The following FNDC3A variants were observed in gnomAD, a reference collection of about 807,000 sequenced individuals.
FNDC3A encodes fibronectin type-III domain-containing protein 3A.
Under a neutral mutation model 148.9 loss-of-function variants are expected in FNDC3A, and 32 were observed. The ratio of observed to expected loss-of-function variants is 0.21; its 90% CI spans 0.16 to 0.29. The LOEUF is 0.29. Among genes scored for constraint, FNDC3A ranks in the 10% least tolerant of loss-of-function variants. The pLI is 1.00. For missense variants in FNDC3A, 1,191 were observed against 1,452.8 expected (o/e 0.82, Z 2.93); for synonymous variants, 472 against 473.6 (o/e 1.00, Z 0.04).
At chr13:49,009,784 G>A (rs1272913299) in intron 2 of FNDC3A, among the ~76,000 whole-genome samples, 1 of 152,180 alleles carries the variant, frequency 6.6e-6, no homozygotes, top group Non-Finnish European at 1.5e-5. Flanking sequence ...TTACTAATTT[G>A]TCTTCTCTTA....
rs1258304905 is a variant in FNDC3A at position 49,131,128 on chromosome 13, A to G, written c.253-9A>G. ...TGGAAGAAATTTTAATCTGATGTTCATTTTGTAGGTTATTGAAGACAATGG... is the reference window on the plus strand; with the variant it reads ...TGGAAGAAATTTTAATCTGATGTTCGTTTTGTAGGTTATTGAAGACAATGG... On this transcript the variant is annotated splice_polypyrimidine_tract_variant and intron_variant, in intron 4 of 25. Coordinates refer to ENST00000492622, the MANE Select transcript of FNDC3A (RefSeq NM_001079673.2). The G allele has an allele frequency of 1.3e-6, 2 of 1,594,842 alleles. No individual in the cohort carries two copies. The highest frequency in any genetic ancestry group is 2.2e-5 in the South Asian group (2 of 90,638).
At chr13:49,161,431 T>G (rs1279311860) in intron 8 of FNDC3A, among the ~76,000 whole-genome samples, 1 of 152,206 alleles carries the variant, frequency 6.6e-6, no homozygotes, top group African/African-American at 2.4e-5. Context: ...CCCCTGCTTT[T>G]TTTTGTTTTC....
intron 1 of FNDC3A, among the ~76,000 whole-genome samples, chr13:48,990,857 T>G (rs1450844398): frequency 6.6e-6 from 1 of 152,170 alleles, no homozygotes; most frequent in African/African-American, 2.4e-5. Flanking sequence ...GTTGTAAGGT[T>G]CTGATACATA....
chr13:49,142,497 A>G (rs1180705169), intron 7 of FNDC3A, among the ~76,000 whole-genome samples: 3 of 152,102 alleles, frequency 2.0e-5, no homozygotes, highest in African/African-American at 4.8e-5. Context: ...ACTGTCCCCT[A>G]CCACTCCACA....
Position 49,129,535 on chromosome 13 carries a change from G to C in FNDC3A, c.253-1602G>C, listed in dbSNP as rs1424429457. On this transcript the variant is annotated intron_variant, in intron 4 of 25. Coordinates refer to ENST00000492622, the MANE Select transcript of FNDC3A (RefSeq NM_001079673.2). ...CCATTTCAAACTTCTTCCAGTGTTC[G>C]TTCCTGTAGGGTAGAAGCTAAAAAG... is the stretch of plus-strand genomic sequence containing the variant. 3.9e-5 allele frequency among the ~76,000 whole-genome samples: 6 copies of C among 152,264 alleles called. No individual in the cohort carries two copies. In the East Asian group the frequency reaches 1.2e-3, roughly 29 times the overall value.
intron 8 of FNDC3A, among the ~76,000 whole-genome samples, chr13:49,152,829 C>G (rs1424691359): frequency 6.6e-6 from 1 of 151,514 alleles, no homozygotes; most frequent in Non-Finnish European, 1.5e-5. Flanking sequence ...TCATCCATGT[C>G]CCCACAAAGG....
At chr13:49,027,098 A>G (rs895848127) in intron 2 of FNDC3A, among the ~76,000 whole-genome samples, 1 of 152,218 alleles carries the variant, frequency 6.6e-6, no homozygotes, top group East Asian at 1.9e-4. Flanking sequence ...AAACAGTCCA[A>G]TTCACATTTT....
intron 8 of FNDC3A, among the ~76,000 whole-genome samples, chr13:49,160,466 C>T (rs1884027546): frequency 6.6e-6 from 1 of 152,074 alleles, no homozygotes; most frequent in Admixed American, 6.6e-5. Context: ...GTGGCGATAT[C>T]CCCTTTATCA....
chr13:49,173,635 G>A (rs1224925063), intron 11 of FNDC3A, among the ~76,000 whole-genome samples: 1 of 152,124 alleles, frequency 6.6e-6, no homozygotes, highest in Non-Finnish European at 1.5e-5. Context: ...CTGGCTCGGG[G>A]CAAAACTGTC....
At chr13:49,029,439 G>A (rs1055623303) in intron 2 of FNDC3A, among the ~76,000 whole-genome samples, 10 of 152,174 alleles carry the variant, frequency 6.6e-5, no homozygotes, top group African/African-American at 2.2e-4. Context: ...AAAGGAATAC[G>A]TATACCCTTA....
At chr13:49,155,662 T>C (rs2138001158) in intron 8 of FNDC3A, among the ~76,000 whole-genome samples, 1 of 112,180 alleles carries the variant, frequency 8.9e-6, no homozygotes, top group Admixed American at 9.7e-5. Flanking sequence ...CATTTAGTGC[T>C]ATAAATTTCC....
intron 1 of FNDC3A, among the ~76,000 whole-genome samples, chr13:48,990,641 A>T (rs1046133983): frequency 3.4e-5 from 5 of 149,126 alleles, no homozygotes; most frequent in Non-Finnish European, 7.4e-5. Flanking sequence ...GCATGCTTGT[A>T]GTCACAGCCG....
intron 4 of FNDC3A, among the ~76,000 whole-genome samples, chr13:49,127,939 C>T: frequency 6.6e-6 from 1 of 151,838 alleles, no homozygotes; most frequent in East Asian, 1.9e-4. Context: ...TGGAGTGCAG[C>T]AGCACAGTCT....
chr13:49,184,965 G>T (rs1885492094), intron 14 of FNDC3A, among the ~76,000 whole-genome samples: 1 of 151,848 alleles, frequency 6.6e-6, no homozygotes, highest in Non-Finnish European at 1.5e-5. Context: ...GGGGTGGGCA[G>T]CATGGAGAGG....
At chr13:49,010,681 A>G (rs983102314) in intron 2 of FNDC3A, among the ~76,000 whole-genome samples, 2 of 152,212 alleles carry the variant, frequency 1.3e-5, no homozygotes, top group African/African-American at 4.8e-5. Context: ...TCTTGTAACT[A>G]CAAGCCACAC....
intron 11 of FNDC3A, 58 bp downstream of exon 11, chr13:49,172,154 T>C: frequency 2.7e-6 from 3 of 1,120,794 alleles, no homozygotes; most frequent in Non-Finnish European, 3.9e-6. Flanking sequence ...TCAGGCAAAA[T>C]TAACTTTTTT....
At chr13:49,128,647 C>A (rs11839038) in intron 4 of FNDC3A, among the ~76,000 whole-genome samples, 19,927 of 152,140 alleles carry the variant, frequency 0.13, 1,569 homozygotes, top group African/African-American at 0.22. Context: ...ATGATGAACT[C>A]CAACTCCTTA....
chr13:49,158,494 G>A (rs568803212), intron 8 of FNDC3A, among the ~76,000 whole-genome samples: 1 of 152,288 alleles, frequency 6.6e-6, no homozygotes, highest in South Asian at 2.1e-4. Flanking sequence ...CGTCGCTCAC[G>A]CTGGGAGCTG....
rs568719598 is a variant in FNDC3A at position 48,993,816 on chromosome 13, T to C, written c.-39-12336T>C. Among the ~76,000 whole-genome samples, 24 of 152,288 alleles carry C rather than the reference T, an allele frequency of 1.6e-4. No homozygotes were observed. In the East Asian group the frequency reaches 4.6e-3, roughly 29 times the overall value. Reference sequence around the variant, plus strand: ...GTGGGTTAAAAAAATCCTCATAATATAAAATCCTTCCATGACTCCTTTTTA... The same window carrying C: ...GTGGGTTAAAAAAATCCTCATAATACAAAATCCTTCCATGACTCCTTTTTA... On this transcript the variant is annotated intron_variant, in intron 1 of 25. Coordinates refer to ENST00000492622, the MANE Select transcript of FNDC3A (RefSeq NM_001079673.2).
Sources: allele counts gnomAD v4.1 joint callset (sites outside exome capture counted in the v4.1 genomes callset), GRCh38; gene constraint gnomAD v4.1.1; transcripts MANE v1.5; gene names NCBI Gene and HGNC (gene_info 2026-07-23, HGNC 2026-07-21).